The following DFFB variants were observed in gnomAD, a reference collection of about 807,000 sequenced individuals.
The protein encoded by DFFB is DNA fragmentation factor subunit beta, also known as DNA fragmentation factor 40 kDa subunit.
A neutral mutation model predicts 32.7 loss-of-function variants in DFFB; 29 were observed. That is an observed-to-expected ratio of 0.89 (90% CI 0.66 to 1.21). The LOEUF is 1.21. Among genes scored for constraint, DFFB ranks in the 50% most tolerant of loss-of-function variants. DFFB has a pLI of 0.00. For missense variants in DFFB, 398 were observed against 440.6 expected, an observed-to-expected ratio of 0.90 and a Z score of 0.87; for synonymous variants, 170 against 177.1, an observed-to-expected ratio of 0.96 and a Z score of 0.32.
chr1:3,872,686 GTT>G, intron 6 of DFFB, 114 bp downstream of exon 6: 2 of 673,014 alleles, frequency 3.0e-6, no homozygotes, highest in Admixed American at 2.9e-5. Context: ...CTGCCACGGT[GTT>G]GCCTCCTTGG....
At chr1:3,873,700 A>T (rs990904637) in intron 6 of DFFB, among the ~76,000 whole-genome samples, 6 of 152,104 alleles carry the variant, frequency 3.9e-5, no homozygotes, top group African/African-American at 1.4e-4. Flanking sequence ...GCTGGTCTTG[A>T]ACTCCTGACC....
At chr1:3,869,580 C>T (rs368538749) in intron 4 of DFFB, 25 bp from the exon 5 acceptor site, 8 of 1,594,112 alleles carry the variant, frequency 5.0e-6, no homozygotes, top group African/African-American at 1.3e-5. Context: ...GCACCAGGCT[C>T]ACCGACGTTC....
At chr1:3,857,791 T>C (rs1184694975) in intron 1 of DFFB, 74 bp downstream of exon 1, 3 of 1,139,252 alleles carry the variant, frequency 2.6e-6, no homozygotes, top group East Asian at 3.2e-5. Context: ...GCTTTTCCTC[T>C]TCCAAAACGG....
chr1:3,876,497 C>T (rs556357887), intron 6 of DFFB, among the ~76,000 whole-genome samples: 6 of 152,294 alleles, frequency 3.9e-5, no homozygotes, highest in South Asian at 4.1e-4. Flanking sequence ...TTTTCAGCAC[C>T]GGTCTTCGGA....
intron 2 of DFFB, 38 bp downstream of exon 2, chr1:3,858,882 G>A: frequency 1.2e-6 from 2 of 1,607,666 alleles, no homozygotes; most frequent in Non-Finnish European, 1.7e-6. Flanking sequence ...CGGGAAGCTG[G>A]CACTCTCCGA....
At chr1:3,866,304 T>C (rs1327459163) in intron 3 of DFFB, 1 of 458,118 alleles carries the variant, frequency 2.2e-6, no homozygotes. Flanking sequence ...AGTGGCGTGA[T>C]CTTGGCTCAC....
chr1:3,876,356 T>G (rs557509353), intron 6 of DFFB, among the ~76,000 whole-genome samples: 25 of 152,292 alleles, frequency 1.6e-4, no homozygotes, highest in Admixed American at 6.5e-5. Flanking sequence ...CAGATGAAAA[T>G]AGCAGAAGGG....
At position 3,865,049 on chromosome 1, in the gene DFFB, G is replaced by A. The variant is rs1644948866; in HGVS notation, c.242-763G>A. 6.7e-6 allele frequency among the ~76,000 whole-genome samples: 1 copy of A among 149,488 alleles called. No individual in the cohort carries two copies. Among genetic ancestry groups the A allele is most frequent in the African/African-American group, 2.5e-5 (1 of 40,438 alleles). On this transcript the variant is annotated intron_variant, in intron 2 of 6. Coordinates refer to ENST00000378209, the MANE Select transcript of DFFB (RefSeq NM_004402.4). This position sits in a 1 kb window ranked among gnomAD's most constrained non-coding sequence, Gnocchi z 4.7. ...CATGTGGTTTGCAAATATTTACCCT[G>A]TGGCTTTTCATTCTCTTAAGAGCAT...
chr1:3,858,892 A>AG (rs1168189394), intron 2 of DFFB, 48 bp downstream of exon 2: 2 of 1,601,554 alleles, frequency 1.2e-6, no homozygotes, highest in Non-Finnish European at 1.7e-6. Flanking sequence ...GCACTCTCCG[A>AG]GGTCCTGGGG....
At position 3,867,885 on chromosome 1, in the gene DFFB, C is replaced by A. The variant is rs577596830; in HGVS notation, c.431-89C>A. 1.2e-5 allele frequency: 14 copies of A among 1,165,666 alleles called. No homozygotes were observed. The South Asian group carries it at 1.7e-4, about 14-fold the overall frequency. The allele number at this position is 1,165,666 out of a possible 1,614,324, so 72.2% of individuals were successfully genotyped here. On this transcript the variant is annotated intron_variant, in intron 3 of 6. Coordinates refer to ENST00000378209, the MANE Select transcript of DFFB (RefSeq NM_004402.4). ...AAGCAGTATGACCCTCATATTCTGC[C>A]CTGCTTGGCACCTGGGCTGGGCAGG... is the stretch of plus-strand genomic sequence containing the variant.
At chr1:3,882,243 TG>T (rs1645354770) in intron 6 of DFFB, among the ~76,000 whole-genome samples, 1 of 37,812 alleles carries the variant, frequency 2.6e-5, no homozygotes, top group South Asian at 7.9e-4. Context: ...TTTGTAGAGG[TG>T]GGGTTTCACC....
At chr1:3,873,602 C>A (rs1460388817) in intron 6 of DFFB, among the ~76,000 whole-genome samples, 2 of 151,934 alleles carry the variant, frequency 1.3e-5, no homozygotes, top group African/African-American at 2.4e-5. Context: ...ACTTTAGCTT[C>A]CCCAGTAGCT....
In DFFB at chr1:3,857,721, C is replaced by T. The variant is rs763678160; in HGVS notation, c.114+4C>T. The T allele has an allele frequency of 3.3e-6, 5 of 1,517,460 alleles. No homozygotes were observed. The highest frequency in any genetic ancestry group is 3.7e-4 in the Middle Eastern group (2 of 5,380). The allele number at this position is 1,517,460 out of a possible 1,614,324, so 94.0% of individuals were successfully genotyped here. ...CAAGGGCTGTCTCCGCTTCCAGGTG[C>T]CCGCTGGGCTAGGCGGGGACGGCCC... On this transcript the variant is annotated splice_donor_region_variant and intron_variant, in intron 1 of 6. Transcript: ENST00000378209.
chr1:3,858,627 A>G, intron 1 of DFFB, 91 bp from the exon 2 acceptor site: 1 of 1,484,528 alleles, frequency 6.7e-7, no homozygotes, highest in Non-Finnish European at 9.1e-7. Context: ...TTCTTTAAGC[A>G]CAGCTCATTC....
Position 3,882,970 on chromosome 1 carries a change from C to T in DFFB, c.783-537C>T, listed in dbSNP as rs546222803. ...GGTGGTTGACCCCCTTTATTTTCTG[C>T]GTACTTTTCAGTATTCTGAACAGTG... On this transcript the variant is annotated intron_variant, in intron 6 of 6. Coordinates refer to ENST00000378209, the MANE Select transcript of DFFB (RefSeq NM_004402.4). Among the ~76,000 whole-genome samples the T allele has an allele frequency of 2.0e-4, 30 of 149,372 alleles. 1 individual carries two copies. Among genetic ancestry groups the T allele is most frequent in the Admixed American group, 1.0e-3 (15 of 14,992 alleles).
chr1:3,868,643 A>ACCACACCACACCAC (rs1645036387), intron 4 of DFFB, among the ~76,000 whole-genome samples: 1 of 4,964 alleles, frequency 2.0e-4, no homozygotes, highest in African/African-American at 8.6e-4. Context: ...CACCACACCA[A>ACCACACCACACCAC]GCCACACCAC....
intron 4 of DFFB, among the ~76,000 whole-genome samples, chr1:3,868,669 A>ACCAGGCCACG (rs1553169091): frequency 0.032 from 2,414 of 76,520 alleles, 244 homozygotes; most frequent in East Asian, 0.043. Context: ...GCCACACCAC[A>ACCAGGCCACG]CCACACCACG....
chr1:3,880,402 G>A (rs1402243256), intron 6 of DFFB, among the ~76,000 whole-genome samples: 4 of 152,192 alleles, frequency 2.6e-5, no homozygotes, highest in African/African-American at 9.6e-5. Flanking sequence ...TGAGTCCAAC[G>A]GCTCACTGGG....
intron 2 of DFFB, 136 bp downstream of exon 2, chr1:3,858,980 C>T: frequency 7.5e-7 from 1 of 1,331,006 alleles, no homozygotes; most frequent in Non-Finnish European, 1.0e-6. Flanking sequence ...AGGAAGCCCT[C>T]TGGAGGCAGA....
Sources: gnomAD v4.1 joint callset for allele counts (sites outside exome capture counted in the v4.1 genomes callset) on GRCh38, gnomAD v4.1.1 for gene constraint, Gnocchi (gnomAD v3.1) non-coding constraint, MANE v1.5 for transcripts, NCBI Gene and HGNC (gene_info 2026-07-23, HGNC 2026-07-21) for gene names.